Variants in SCAP observed in about 807,000 individuals in gnomAD.
The protein encoded by SCAP is sterol regulatory element-binding protein cleavage-activating protein.
Under a neutral mutation model 123.6 loss-of-function variants are expected in SCAP, and 65 were observed. That is an observed-to-expected ratio of 0.53 (90% CI 0.43 to 0.65). The LOEUF is 0.65. Among genes scored for constraint, SCAP ranks in the 30% least tolerant of loss-of-function variants. The probability of loss-of-function intolerance (pLI) is 0.00; values close to 1 mark genes in which losing one functional copy is unlikely to be tolerated. For synonymous variants in SCAP, 740 were observed against 726.3 expected (o/e 1.02, Z -0.30); for missense variants, 1,398 against 1,712.5 (o/e 0.82, Z 3.24).
chr3:47,457,962 C>T lies in SCAP; in HGVS notation c.-98-14871G>A, dbSNP rs181191240. On this transcript the variant is annotated intron_variant, in intron 1 of 22. Transcript: ENST00000265565. ...TCTAAGCTTCAAAATTAGCCAGTAACCTGGGAGAATTTTCAGCAGATCAAG... is the reference window on the plus strand; with the variant it reads ...TCTAAGCTTCAAAATTAGCCAGTAATCTGGGAGAATTTTCAGCAGATCAAG... 4.6e-5 allele frequency among the ~76,000 whole-genome samples: 7 copies of T among 151,694 alleles called. 1 individual carries two copies. The South Asian group carries it at 6.2e-4, about 14-fold the overall frequency.
intron 2 of SCAP, among the ~76,000 whole-genome samples, chr3:47,441,772 C>T (rs945546621): frequency 6.6e-6 from 1 of 152,044 alleles, no homozygotes; most frequent in African/African-American, 2.4e-5. Context: ...TAAGTCCCTA[C>T]CCCTCTTTGT....
chr3:47,414,472 C>T (rs1250479558), intron 21 of SCAP, 86 bp from the exon 22 acceptor site: 28 of 1,592,250 alleles, frequency 1.8e-5, no homozygotes, highest in Non-Finnish European at 2.1e-5. Flanking sequence ...TGGGTGGGGC[C>T]CTGACTGCTT....
At chr3:47,435,185 T>TG in intron 2 of SCAP, 48 bp from the exon 3 acceptor site, 2 of 1,564,862 alleles carry the variant, frequency 1.3e-6, no homozygotes, top group Non-Finnish European at 1.7e-6. Context: ...TGAGAGGCAG[T>TG]CCTCTCTCAG....
At chr3:47,421,804 A>C (rs903394348) in intron 10 of SCAP, among the ~76,000 whole-genome samples, 2 of 152,264 alleles carry the variant, frequency 1.3e-5, no homozygotes, top group African/African-American at 4.8e-5. Flanking sequence ...GCGAGAAAAG[A>C]TGGCATCCTC....
In SCAP at chr3:47,466,154, A is replaced by AAAAG. The variant is rs1225184990; in HGVS notation, c.-99+9641_-99+9644dup. Among the ~76,000 whole-genome samples the AAAAG allele has an allele frequency of 2.4e-3, 334 of 142,074 alleles. 9 individuals are homozygous for AAAAG. Among genetic ancestry groups the AAAAG allele is most frequent in the Middle Eastern group, 7.2e-3 (2 of 278 alleles). The allele number at this position is 142,074 out of a possible 152,430, so 93.2% of individuals were successfully genotyped here. On this transcript the variant is annotated intron_variant, in intron 1 of 22. Transcript: ENST00000265565. ...TAAAAACCAAAAAAAAAAAAAAAAA[A>AAAAG]AAAGAAAGAAATTCTCCCCATTACT... is the stretch of plus-strand genomic sequence containing the variant.
intron 1 of SCAP, among the ~76,000 whole-genome samples, chr3:47,448,173 T>C (rs975166646): frequency 2.0e-5 from 3 of 152,214 alleles, no homozygotes; most frequent in Non-Finnish European, 2.9e-5. Context: ...CAGCATTGTA[T>C]AGTTTTCAGC....
In SCAP at chr3:47,428,641, C is replaced by T; in HGVS notation, c.282G>A (p.Gln94=). Residue 94 remains glutamine, a synonymous_variant, in exon 4 of 23, where the codon CAG becomes CAA. Coordinates refer to ENST00000265565, the MANE Select transcript of SCAP (RefSeq NM_012235.4). ...WYVGAPVAYV[Q]QIFVKSSVFP... ...ACACTGAGGACTTCACAAATATCTG[C>T]TGGACATAAGCCACCGGGGCACCCA... 6.2e-7 allele frequency: 1 copy of T among 1,614,108 alleles called. No individual in the cohort carries two copies.
At chr3:47,443,115 G>T in intron 1 of SCAP, 24 bp from the exon 2 acceptor site, 1 of 1,510,298 alleles carries the variant, frequency 6.6e-7, no homozygotes, top group Non-Finnish European at 8.9e-7. Flanking sequence ...AGAAAAGCCA[G>T]TTAACAAAGA....
intron 1 of SCAP, among the ~76,000 whole-genome samples, chr3:47,443,461 C>G (rs917779617): frequency 6.6e-6 from 1 of 152,066 alleles, no homozygotes; most frequent in African/African-American, 2.4e-5. Context: ...ATTCTTCCCC[C>G]CCCTCCTCTA....
chr3:47,414,016 G>A lies in SCAP; in HGVS notation c.3678C>T (p.Asp1226=), dbSNP rs766182543. The change falls in exon 23 of 23, where the codon GAC becomes GAT. Residue 1226 remains aspartate (D), a synonymous_variant. Coordinates refer to ENST00000265565, the MANE Select transcript of SCAP (RefSeq NM_012235.4). ...TCTGTAACAGGTCCCCGTAGTTTAG[G>A]TCCCAAAAGGAGACACAGCCCTGGC... ...TGGQGCVSFW[D]LNYGDLLQTV... 110 of 1,613,188 alleles carry A rather than the reference G, an allele frequency of 6.8e-5. No homozygotes were observed. Among genetic ancestry groups the A allele is most frequent in the Non-Finnish European group, 8.6e-5 (101 of 1,180,036 alleles).
chr3:47,418,096 TGTGGG>T, intron 16 of SCAP, 33 bp downstream of exon 16: 2 of 1,383,900 alleles, frequency 1.4e-6, no homozygotes, highest in Non-Finnish European at 1.9e-6. Flanking sequence ...TGAGGGGGGT[TGTGGG>T]GGCACAAAGG....
At position 47,454,663 on chromosome 3, in the gene SCAP, G is replaced by T. The variant is rs546824897; in HGVS notation, c.-98-11572C>A. Among the ~76,000 whole-genome samples the T allele has an allele frequency of 6.1e-4, 92 of 152,004 alleles. 1 individual carries two copies. In the South Asian group the frequency reaches 0.014, roughly 24 times the overall value. On this transcript the variant is annotated intron_variant, in intron 1 of 22. Transcript: ENST00000265565. ...AGAATCGCTTGAACGCAGGAGAATC[G>T]CTTGAACCCAGGAGGCAGAAGTTAC...
chr3:47,425,531 C>G lies in SCAP; in HGVS notation c.991G>C (p.Val331Leu), dbSNP rs1288001793. The change falls in exon 8 of 23, where the codon GTG (valine) becomes CTG (leucine). Residue 331 changes from valine to leucine, a missense_variant. By Grantham distance (32) the Val-to-Leu change is conservative. Transcript: ENST00000265565. ...VTVLSSLLMS[V>L]GLCTLFGLTP... ...AGGCCGAAGAGTGTGCAGAGTCCCA[C>G]AGACATGAGCAGCGAGCTGAGCACT... 6.2e-7 allele frequency: 1 copy of G among 1,613,950 alleles called. No individual in the cohort carries two copies. Among genetic ancestry groups the G allele is most frequent in the Non-Finnish European group, 8.5e-7 (1 of 1,180,052 alleles).
At position 47,420,626 on chromosome 3, in the gene SCAP, G is replaced by T; in HGVS notation, c.1491C>A (p.Asn497Lys). ...CACGCAGCCTCTTGGGGAGCCGCAG[G>T]TTTCGGAAGGAAGACGGCTGCAACG... ...TITLQPSSFR[N>K]LRLPKRLRVV... The change falls in exon 12 of 23, where the codon AAC (asparagine) becomes AAA (lysine). Residue 497 changes from asparagine to lysine, a missense_variant. By Grantham distance (94) the Asn-to-Lys change is moderately conservative. Around this residue, in one of 7 missense-constraint regions of SCAP, gnomAD observed 828 missense variants for 882.5 expected, o/e 0.94. Transcript: ENST00000265565. This position sits in a 1 kb window ranked among gnomAD's most constrained non-coding sequence, Gnocchi z 5.0. 1 of 1,612,316 alleles carries T rather than the reference G, an allele frequency of 6.2e-7. No individual in the cohort carries two copies. Among genetic ancestry groups the T allele is most frequent in the Non-Finnish European group, 8.5e-7 (1 of 1,179,912 alleles).
At chr3:47,426,413 C>T (rs1706131390) in intron 6 of SCAP, among the ~76,000 whole-genome samples, 1 of 152,112 alleles carries the variant, frequency 6.6e-6, no homozygotes. Flanking sequence ...CCTACTCCAA[C>T]ACTCTCTTTT....
intron 1 of SCAP, among the ~76,000 whole-genome samples, chr3:47,457,168 G>A (rs1707458507): frequency 6.6e-6 from 1 of 152,232 alleles, no homozygotes; most frequent in South Asian, 2.1e-4. Flanking sequence ...ATGGACACAT[G>A]AGAAGTGGCA....
chr3:47,466,928 AT>A (rs534875945), intron 1 of SCAP, among the ~76,000 whole-genome samples: 185 of 152,072 alleles, frequency 1.2e-3, no homozygotes, highest in Non-Finnish European at 2.2e-3. Flanking sequence ...TTAAAAAAAA[AT>A]AAATACAAAA....
Position 47,425,996 on chromosome 3 carries a change from C to T in SCAP, c.910+1G>A, listed in dbSNP as rs1348182076. On this transcript the variant is annotated splice_donor_variant, in intron 7 of 22. Coordinates refer to ENST00000265565, the MANE Select transcript of SCAP (RefSeq NM_012235.4). LOFTEE classifies it high-confidence loss of function. ...CCTCAGCCTCCCTGCCATGAACCTACGCGTGGAGAAGTAGATGTAGGCAAA... is the reference window on the plus strand; with the variant it reads ...CCTCAGCCTCCCTGCCATGAACCTATGCGTGGAGAAGTAGATGTAGGCAAA... 6.8e-6 allele frequency: 11 copies of T among 1,614,038 alleles called. No individual in the cohort carries two copies. The highest frequency in any genetic ancestry group is 2.2e-5 in the East Asian group (1 of 44,870).
Position 47,442,875 on chromosome 3 carries a change from C to T in SCAP, c.119G>A (p.Cys40Tyr), listed in dbSNP as rs1473954137. The part of the protein sequence containing the change: ...ILFTGFCILA[C>Y]CYPLLKLPLP... The stretch of plus-strand genomic sequence containing the variant: ...CCAAGGCAACCCAAAAACATACCAG[C>T]AGGCTAAGATGCAGAACCCTGTGAA... The change falls in exon 2 of 23, where the codon TGC becomes TAC. Residue 40 changes from cysteine to tyrosine, a missense_variant. By Grantham distance (194) the Cys-to-Tyr change is radical (BLOSUM62 -2). Transcript: ENST00000265565. The T allele has an allele frequency of 6.2e-7, 1 of 1,614,098 alleles. No homozygotes were observed. Among genetic ancestry groups the T allele is most frequent in the East Asian group, 2.2e-5 (1 of 44,880 alleles).
Sources: gnomAD v4.1 joint callset for allele counts (sites outside exome capture counted in the v4.1 genomes callset) on GRCh38, gnomAD v4.1.1 for gene constraint, gnomAD v4.1.1 regional missense constraint, Gnocchi (gnomAD v3.1) non-coding constraint, MANE v1.5 for transcripts, NCBI Gene and HGNC (gene_info 2026-07-23, HGNC 2026-07-21) for gene names.